ANKRD6: variants seen among roughly 807,000 people sequenced by gnomAD.
ANKRD6 encodes the protein ankyrin repeat domain-containing protein 6.
Under a neutral mutation model 82.3 loss-of-function variants are expected in ANKRD6, and 56 were observed. The observed-to-expected ratio is 0.68, with a 90% CI of 0.55 to 0.85. The LOEUF (loss-of-function observed/expected upper bound fraction) is 0.85. ANKRD6 is among the 40% of genes least tolerant of loss of function. The pLI is 0.00. For missense variants in ANKRD6, 852 were observed against 907.6 expected, an observed-to-expected ratio of 0.94 and a Z score of 0.79; for synonymous variants, 347 against 352.1, an observed-to-expected ratio of 0.99 and a Z score of 0.16.
rs145492547 is a variant in ANKRD6 at position 89,632,371 on chromosome 6, A to ATAAC, written c.*1370_*1371insCTAA. Reference sequence around the variant, plus strand: ...AGATATAGACATTCCTAAAAGAAAAATAATTCAGTAGATATATGTCACTGT... The same window carrying ATAAC: ...AGATATAGACATTCCTAAAAGAAAAATAACTAATTCAGTAGATATATGTCACTGT... On this transcript the variant is annotated 3_prime_UTR_variant, in exon 16 of 16. Coordinates refer to ENST00000339746, the MANE Select transcript of ANKRD6 (RefSeq NM_001242809.2). The ATAAC allele has an allele frequency of 2.3e-4, 35 of 152,036 alleles. No individual in the cohort carries two copies. Among genetic ancestry groups the ATAAC allele is most frequent in the African/African-American group, 8.2e-4 (34 of 41,464 alleles). The allele number at this position is 152,036 out of a possible 1,614,324, so 9.4% of individuals were successfully genotyped here.
At chr6:89,591,047 C>A (rs561317062) in intron 2 of ANKRD6, among the ~76,000 whole-genome samples, 2 of 152,122 alleles carry the variant, frequency 1.3e-5, no homozygotes, top group African/African-American at 4.8e-5. Flanking sequence ...TGATCTTTGA[C>A]GATAACTGGG....
In ANKRD6 at chr6:89,623,464, G is replaced by C. The variant is rs1804413269; in HGVS notation, c.952G>C (p.Glu318Gln). 6.2e-7 allele frequency: 1 copy of C among 1,608,612 alleles called. No individual in the cohort carries two copies. The highest frequency in any genetic ancestry group is 1.3e-5 in the African/African-American group (1 of 74,924). Residue 318 changes from glutamate to glutamine, a missense_variant, in exon 11 of 16, where the codon GAA (glutamate) becomes CAA (glutamine). Transcript: ENST00000339746. ...CAGTGAACAGGCTGTGGCCAGAAAAGAAGAAGCCAGAGAAGAGTTCCTGTC... is the reference window on the plus strand; with the variant it reads ...CAGTGAACAGGCTGTGGCCAGAAAACAAGAAGCCAGAGAAGAGTTCCTGTC... Reference protein sequence around the residue: ...PSSEQAVARKEEAREEFLSAS... With the variant: ...PSSEQAVARKQEAREEFLSAS...
chr6:89,604,991 GC>G, intron 4 of ANKRD6, among the ~76,000 whole-genome samples: 1 of 113,816 alleles, frequency 8.8e-6, no homozygotes, highest in Middle Eastern at 4.2e-3. Flanking sequence ...CTGCCTTCCC[GC>G]CCCCACCCCA....
intron 3 of ANKRD6, among the ~76,000 whole-genome samples, chr6:89,599,089 C>A (rs1481184444): frequency 6.6e-6 from 1 of 152,068 alleles, no homozygotes; most frequent in East Asian, 1.9e-4. Flanking sequence ...AATAAATATT[C>A]AGTCCGGGCC....
intron 3 of ANKRD6, among the ~76,000 whole-genome samples, chr6:89,600,117 T>C (rs1463724158): frequency 6.6e-6 from 1 of 152,210 alleles, no homozygotes; most frequent in African/African-American, 2.4e-5. Flanking sequence ...AGTCTGGAAA[T>C]GTCCTCCCAA....
chr6:89,624,139 A>G, intron 12 of ANKRD6, 82 bp downstream of exon 12: 2 of 1,400,552 alleles, frequency 1.4e-6, no homozygotes, highest in Non-Finnish European at 1.9e-6. Flanking sequence ...GGGGGCTGAT[A>G]GGCACTTTAG....
chr6:89,460,131 T>A (rs1443260439), intron 1 of ANKRD6, among the ~76,000 whole-genome samples: 5 of 150,072 alleles, frequency 3.3e-5, no homozygotes, highest in Non-Finnish European at 7.4e-5. Flanking sequence ...CCTTTTCCTA[T>A]AGCACACTAG....
chr6:89,476,898 T>C (rs1391723806), intron 1 of ANKRD6, among the ~76,000 whole-genome samples: 1 of 152,262 alleles, frequency 6.6e-6, no homozygotes, highest in Non-Finnish European at 1.5e-5. Flanking sequence ...TGTTTTAAAC[T>C]CTTTTCAAAT....
intron 1 of ANKRD6, among the ~76,000 whole-genome samples, chr6:89,440,220 A>T: frequency 6.6e-6 from 1 of 152,248 alleles, no homozygotes; most frequent in East Asian, 1.9e-4. Context: ...AAGATTTCTT[A>T]GAACTCTGGC....
intron 1 of ANKRD6, among the ~76,000 whole-genome samples, chr6:89,530,736 G>C (rs2127989521): frequency 6.6e-6 from 1 of 152,356 alleles, no homozygotes; most frequent in African/African-American, 2.4e-5. Context: ...AGGAGGGCTT[G>C]CTTTGAAAAT....
chr6:89,476,176 T>TTTTTG (rs550867954), intron 1 of ANKRD6, among the ~76,000 whole-genome samples: 20 of 152,226 alleles, frequency 1.3e-4, no homozygotes, highest in Middle Eastern at 3.4e-3. Context: ...TGTTTTTGTT[T>TTTTTG]TTTTGTTTTG....
chr6:89,505,037 A>G (rs907082931), intron 1 of ANKRD6: 18 of 152,134 alleles, frequency 1.2e-4, no homozygotes, highest in African/African-American at 4.1e-4. Flanking sequence ...CATTATGTCA[A>G]TTTCAGATTA....
chr6:89,532,878 T>C (rs1783349990), intron 1 of ANKRD6, among the ~76,000 whole-genome samples: 1 of 115,792 alleles, frequency 8.6e-6, no homozygotes, highest in African/African-American at 3.4e-5. Flanking sequence ...ATTTTTTGTA[T>C]TTTTTTTTTT....
chr6:89,442,722 G>C (rs1395836183), intron 1 of ANKRD6, among the ~76,000 whole-genome samples: 1 of 151,898 alleles, frequency 6.6e-6, no homozygotes, highest in Non-Finnish European at 1.5e-5. Flanking sequence ...TTGGCAATTG[G>C]TTGCAAAAGT....
In ANKRD6 at chr6:89,591,415, C is replaced by T. The variant is rs542717384; in HGVS notation, c.121-4501C>T. ...CCTTGCCTGGCCCAAACTTCTTATTCGTTAATACATGGTCTTTTCTCCTGT... is the reference window on the plus strand; with the variant it reads ...CCTTGCCTGGCCCAAACTTCTTATTTGTTAATACATGGTCTTTTCTCCTGT... On this transcript the variant is annotated intron_variant, in intron 2 of 15. Coordinates refer to ENST00000339746, the MANE Select transcript of ANKRD6 (RefSeq NM_001242809.2). Among the ~76,000 whole-genome samples, 57 of 152,170 alleles carry T rather than the reference C, an allele frequency of 3.7e-4. No individual in the cohort carries two copies. In the South Asian group the frequency reaches 0.011, roughly 28 times the overall value.
chr6:89,608,368 C>CACACTATATATATATATATATA, intron 5 of ANKRD6, among the ~76,000 whole-genome samples: 95 of 130,782 alleles, frequency 7.3e-4, no homozygotes, highest in African/African-American at 2.8e-3. Context: ...CACACACACA[C>CACACTATATATATATATATATA]TATATATATA....
chr6:89,511,769 A>AT (rs1583009184), intron 1 of ANKRD6, among the ~76,000 whole-genome samples: 3 of 152,046 alleles, frequency 2.0e-5, no homozygotes, highest in Non-Finnish European at 4.4e-5. Context: ...AAAGAACTAC[A>AT]TTTTTTTGTT....
At chr6:89,502,466 C>T (rs1779371898) in intron 1 of ANKRD6, among the ~76,000 whole-genome samples, 1 of 151,144 alleles carries the variant, frequency 6.6e-6, no homozygotes, top group Non-Finnish European at 1.5e-5. Flanking sequence ...GGCAAGGTGG[C>T]GAAACCATGG....
intron 2 of ANKRD6, among the ~76,000 whole-genome samples, chr6:89,571,027 C>T (rs1197830251): frequency 1.3e-5 from 2 of 151,626 alleles, no homozygotes; most frequent in Non-Finnish European, 2.9e-5. Context: ...TTTTCCACAT[C>T]CTTGACAATA....
Sources: allele counts gnomAD v4.1 joint callset (sites outside exome capture counted in the v4.1 genomes callset), GRCh38; gene constraint gnomAD v4.1.1; transcripts MANE v1.5; gene names NCBI Gene and HGNC (gene_info 2026-07-23, HGNC 2026-07-21).